Variants in UNC5C observed in about 807,000 individuals in gnomAD.
UNC5C encodes the protein netrin receptor UNC5C.
A neutral mutation model predicts 99.8 loss-of-function variants in UNC5C; 47 were observed. That is an observed-to-expected ratio of 0.47 (90% confidence interval 0.37 to 0.60). The LOEUF is 0.60. UNC5C is among the 20% of genes least tolerant of loss of function. The pLI, the probability that UNC5C is intolerant of heterozygous loss-of-function variation, is 0.00. For synonymous variants in UNC5C, 487 were observed against 452.2 expected, an observed-to-expected ratio of 1.08 and a Z score of -0.98; for missense variants, 1,062 against 1,165.9, an observed-to-expected ratio of 0.91 and a Z score of 1.30.
intron 1 of UNC5C, among the ~76,000 whole-genome samples, chr4:95,450,381 G>C (rs1747248306): frequency 6.6e-6 from 1 of 152,150 alleles, no homozygotes; most frequent in Non-Finnish European, 1.5e-5. Flanking sequence ...CAGCACACCA[G>C]GCTAATTAAA....
intron 3 of UNC5C, among the ~76,000 whole-genome samples, chr4:95,292,208 CATATAT>C (rs376368681): frequency 4.0e-5 from 5 of 123,984 alleles, no homozygotes; most frequent in East Asian, 2.2e-4. Flanking sequence ...CATATATATA[CATATAT>C]ATACACACAC....
intron 1 of UNC5C, among the ~76,000 whole-genome samples, chr4:95,352,654 C>T (rs780060178): frequency 6.6e-6 from 1 of 152,138 alleles, no homozygotes; most frequent in African/African-American, 2.4e-5. Flanking sequence ...CTCCCCAATC[C>T]AGACTACAAG....
At chr4:95,364,820 T>G (rs1744504556) in intron 1 of UNC5C, among the ~76,000 whole-genome samples, 1 of 152,180 alleles carries the variant, frequency 6.6e-6, no homozygotes, top group Non-Finnish European at 1.5e-5. Flanking sequence ...ATCATTATCA[T>G]CATTGCCTTA....
intron 2 of UNC5C, among the ~76,000 whole-genome samples, chr4:95,317,712 C>A (rs1446133259): frequency 6.6e-6 from 1 of 152,070 alleles, no homozygotes; most frequent in Non-Finnish European, 1.5e-5. Flanking sequence ...GGGGAGGCCT[C>A]AGAAAGCTGG....
intron 1 of UNC5C, among the ~76,000 whole-genome samples, chr4:95,500,152 T>A: frequency 6.6e-6 from 1 of 152,088 alleles, no homozygotes; most frequent in East Asian, 1.9e-4. Flanking sequence ...TTCACAGAAG[T>A]GCTGCAGGAT....
At chr4:95,395,412 A>G (rs1035334148) in intron 1 of UNC5C, among the ~76,000 whole-genome samples, 1 of 152,272 alleles carries the variant, frequency 6.6e-6, no homozygotes, top group South Asian at 2.1e-4. Context: ...TTTATTTTTT[A>G]AAAAATTAGA....
intron 1 of UNC5C, among the ~76,000 whole-genome samples, chr4:95,486,099 C>G (rs1483684501): frequency 1.3e-5 from 2 of 151,566 alleles, no homozygotes; most frequent in African/African-American, 4.8e-5. Context: ...ATTAAAAAAC[C>G]AGGCTTATCT....
At chr4:95,527,193 T>G (rs993669745) in intron 1 of UNC5C, among the ~76,000 whole-genome samples, 1 of 152,138 alleles carries the variant, frequency 6.6e-6, no homozygotes, top group Non-Finnish European at 1.5e-5. Flanking sequence ...AGAGATGCTG[T>G]CAATTTCAAT....
chr4:95,536,205 A>T (rs1722779995), intron 1 of UNC5C, among the ~76,000 whole-genome samples: 1 of 151,820 alleles, frequency 6.6e-6, no homozygotes, highest in Non-Finnish European at 1.5e-5. Context: ...CTTCCCAAGT[A>T]GCTGGGACTA....
rs532585408 is a variant in UNC5C, at chr4:95,379,393, G to T, written c.125-43762C>A. ...AAGCACTCTATCTATAAACTTGCTG[G>T]AGTCTTTAACAAGCAATTATCTAAG... On this transcript the variant is annotated intron_variant, in intron 1 of 15. Coordinates refer to ENST00000453304, the MANE Select transcript of UNC5C (RefSeq NM_003728.4). Among the ~76,000 whole-genome samples, 46 of 152,252 alleles carry T rather than the reference G, an allele frequency of 3.0e-4. 1 individual carries two copies. In the South Asian group the frequency reaches 9.5e-3, roughly 32 times the overall value.
chr4:95,438,521 A>G (rs1395433881), intron 1 of UNC5C, among the ~76,000 whole-genome samples: 1 of 152,144 alleles, frequency 6.6e-6, no homozygotes, highest in Admixed American at 6.6e-5. Flanking sequence ...TCAAAACAGA[A>G]AAATTTGGTT....
intron 1 of UNC5C, among the ~76,000 whole-genome samples, chr4:95,438,064 T>C (rs1392992385): frequency 1.6e-4 from 5 of 32,252 alleles, no homozygotes; most frequent in African/African-American, 3.1e-4. Flanking sequence ...AGGATCTCCA[T>C]TTACAGATAT....
rs1450204038 is a variant in UNC5C at position 95,220,099 on chromosome 4, C to T, written c.1186G>A (p.Val396Ile). 6.2e-7 allele frequency: 1 copy of T among 1,614,164 alleles called. No individual in the cohort carries two copies. Residue 396 changes from valine (V) to isoleucine (I), a missense_variant, in exon 8 of 16, where the codon GTT becomes ATT. Val to Ile is a conservative substitution (Grantham distance 29). Coordinates refer to ENST00000453304, the MANE Select transcript of UNC5C (RefSeq NM_003728.4). Reference protein sequence around the residue: ...AVIVCLAISVVVALFVYRKNH... With the variant: ...AVIVCLAISVIVALFVYRKNH... Reference sequence around the variant, plus strand: ...TTCCGATACACAAACAAGGCCACAACTACAGAGATCGCCAGGCAAACGATC... The same window carrying T: ...TTCCGATACACAAACAAGGCCACAATTACAGAGATCGCCAGGCAAACGATC...
chr4:95,230,285 A>T (rs1253380248), intron 7 of UNC5C, among the ~76,000 whole-genome samples: 1 of 151,676 alleles, frequency 6.6e-6, no homozygotes, highest in Non-Finnish European at 1.5e-5. Flanking sequence ...CCACTTTTTG[A>T]TGGGGTTGTT....
chr4:95,181,650 CCT>C (rs1445421281), intron 14 of UNC5C, among the ~76,000 whole-genome samples: 1 of 151,734 alleles, frequency 6.6e-6, no homozygotes, highest in Middle Eastern at 3.4e-3. Context: ...GCCATGGCAC[CCT>C]GACACCGAGA....
intron 3 of UNC5C, among the ~76,000 whole-genome samples, chr4:95,296,277 G>A (rs1014182408): frequency 6.6e-6 from 1 of 152,150 alleles, no homozygotes; most frequent in Non-Finnish European, 1.5e-5. Flanking sequence ...ACACATATGA[G>A]TTCAGTTAGC....
At position 95,183,067 on chromosome 4, in the gene UNC5C, G is replaced by T; in HGVS notation, c.2287-6C>A. ...ACATGGTAAAATGGAATTTCCTAAAGGATATGAAAGTGTTAACCACAATTG... is the reference window on the plus strand; with the variant it reads ...ACATGGTAAAATGGAATTTCCTAAATGATATGAAAGTGTTAACCACAATTG... On this transcript the variant is annotated splice_region_variant and splice_polypyrimidine_tract_variant and intron_variant, in intron 13 of 15. Transcript: ENST00000453304. 6.3e-7 allele frequency: 1 copy of T among 1,596,540 alleles called. No individual in the cohort carries two copies. The highest frequency in any genetic ancestry group is 8.6e-7 in the Non-Finnish European group (1 of 1,166,250).
intron 1 of UNC5C, among the ~76,000 whole-genome samples, chr4:95,431,937 C>G (rs1178507274): frequency 6.6e-6 from 1 of 152,086 alleles, no homozygotes; most frequent in South Asian, 2.1e-4. Context: ...TTGCTTCCCT[C>G]ATTTGTCACT....
chr4:95,210,094 G>C (rs552860342), intron 10 of UNC5C, among the ~76,000 whole-genome samples: 1 of 152,234 alleles, frequency 6.6e-6, no homozygotes, highest in East Asian at 1.9e-4. Flanking sequence ...AAGGCTCCCT[G>C]CTGGGCTGGG....
Sources: allele counts gnomAD v4.1 joint callset (sites outside exome capture counted in the v4.1 genomes callset), GRCh38; gene constraint gnomAD v4.1.1; transcripts MANE v1.5; gene names NCBI Gene and HGNC (gene_info 2026-07-23, HGNC 2026-07-21).